The following CADPS variants were observed in gnomAD, a reference collection of about 807,000 sequenced individuals.
The protein encoded by CADPS is calcium dependent secretion activator.
Under a neutral mutation model 167.3 loss-of-function variants are expected in CADPS, and 57 were observed. The observed-to-expected ratio is 0.34, with a 90% CI of 0.28 to 0.42. The LOEUF is 0.42. CADPS is among the 20% of genes least tolerant of loss of function. The pLI is 1.00. For synonymous variants in CADPS, 676 were observed against 635.3 expected, an observed-to-expected ratio of 1.06 and a Z score of -0.96; for missense variants, 1,414 against 1,738.1, an observed-to-expected ratio of 0.81 and a Z score of 3.32.
At chr3:62,611,664 C>T (rs1316188078) in intron 6 of CADPS, among the ~76,000 whole-genome samples, 1 of 152,186 alleles carries the variant, frequency 6.6e-6, no homozygotes, top group Non-Finnish European at 1.5e-5. Context: ...GCTTCACCTA[C>T]ATCAATCTGT....
At chr3:62,723,884 A>C (rs1428759486) in intron 3 of CADPS, among the ~76,000 whole-genome samples, 1 of 152,182 alleles carries the variant, frequency 6.6e-6, no homozygotes, top group Non-Finnish European at 1.5e-5. Context: ...GTCAGAATTC[A>C]GTGGGAGGCC....
chr3:62,704,772 A>C (rs1478451840), intron 3 of CADPS, among the ~76,000 whole-genome samples: 2 of 152,208 alleles, frequency 1.3e-5, no homozygotes, highest in African/African-American at 4.8e-5. Flanking sequence ...GGAAGGATCC[A>C]GTATCAAACA....
chr3:62,420,518 G>C lies in CADPS; in HGVS notation c.3778-17333C>G, dbSNP rs1376561915. 1.3e-5 allele frequency among the ~76,000 whole-genome samples: 2 copies of C among 152,128 alleles called. No homozygotes were observed. Among genetic ancestry groups the C allele is most frequent in the African/African-American group, 4.8e-5 (2 of 41,420 alleles). ...GCAGAGTGGCATGAAGGCTGGAGGA[G>C]GGAAGATGGCAGCAGATTGGGGAGA... On this transcript the variant is annotated intron_variant, in intron 28 of 29. Transcript: ENST00000383710. The surrounding 1 kb of genome is among the most constrained non-coding windows in gnomAD (Gnocchi z 4.1).
rs368331353 is a variant in CADPS at position 62,633,768 on chromosome 3, G to T, written c.1325+11954C>A. 7.2e-5 allele frequency among the ~76,000 whole-genome samples: 11 copies of T among 152,160 alleles called. No individual in the cohort carries two copies. In the East Asian group the frequency reaches 7.8e-4, roughly 11 times the overall value. ...TGCAGGGGCCCTGAACCCACATTTT[G>T]GCTGAATGCTAAATGGGCTGAGGAT... On this transcript the variant is annotated intron_variant, in intron 6 of 29. Transcript: ENST00000383710.
chr3:62,656,331 C>T (rs1482156500), intron 4 of CADPS, among the ~76,000 whole-genome samples: 1 of 152,114 alleles, frequency 6.6e-6, no homozygotes, highest in Non-Finnish European at 1.5e-5. Flanking sequence ...GAAAACTTTA[C>T]ATGCTTTATT....
At position 62,752,572 on chromosome 3, in the gene CADPS, A is replaced by G. The variant is rs75726126; in HGVS notation, c.888+869T>C. ...TTCACTCTGTGCCAAGATTTTATATACTGGGAATATTAGCAAACAAGGCAA... is the reference window on the plus strand; with the variant it reads ...TTCACTCTGTGCCAAGATTTTATATGCTGGGAATATTAGCAAACAAGGCAA... On this transcript the variant is annotated intron_variant, in intron 3 of 29. Coordinates refer to ENST00000383710, the MANE Select transcript of CADPS (RefSeq NM_003716.4). 7.4e-3 allele frequency among the ~76,000 whole-genome samples: 1,123 copies of G among 152,318 alleles called. 18 individuals are homozygous for G. The highest frequency in any genetic ancestry group is 0.025 in the African/African-American group (1,055 of 41,576).
intron 18 of CADPS, among the ~76,000 whole-genome samples, chr3:62,497,381 A>C (rs2151229235): frequency 6.6e-6 from 1 of 152,284 alleles, no homozygotes; most frequent in South Asian, 2.1e-4. Context: ...CATCATGGGA[A>C]GAGCCTCAAC....
At chr3:62,765,641 C>T (rs1188710256) in intron 2 of CADPS, among the ~76,000 whole-genome samples, 1 of 152,174 alleles carries the variant, frequency 6.6e-6, no homozygotes, top group Non-Finnish European at 1.5e-5. Context: ...GAAAAACACT[C>T]AGTATATTGC....
At chr3:62,437,856 T>C (rs2055463984) in intron 28 of CADPS, among the ~76,000 whole-genome samples, 1 of 152,122 alleles carries the variant, frequency 6.6e-6, no homozygotes, top group Non-Finnish European at 1.5e-5. Flanking sequence ...GGAATGAGCC[T>C]GCTTGCCGAG....
At chr3:62,724,329 G>GCT (rs1481481324) in intron 3 of CADPS, among the ~76,000 whole-genome samples, 1 of 152,118 alleles carries the variant, frequency 6.6e-6, no homozygotes, top group Non-Finnish European at 1.5e-5. Context: ...GAACTCATCA[G>GCT]CTCTCACCTG....
chr3:62,462,034 G>A (rs2059409579), intron 26 of CADPS, among the ~76,000 whole-genome samples: 1 of 152,206 alleles, frequency 6.6e-6, no homozygotes, highest in African/African-American at 2.4e-5. Flanking sequence ...GTCACTTTCT[G>A]TGGGAGGAAC....
chr3:62,638,539 C>T (rs2066786062), intron 6 of CADPS, among the ~76,000 whole-genome samples: 1 of 152,046 alleles, frequency 6.6e-6, no homozygotes. Flanking sequence ...AGGAAATGAC[C>T]TACAGTCACT....
At chr3:62,686,220 T>C (rs1015179382) in intron 3 of CADPS, among the ~76,000 whole-genome samples, 1 of 152,068 alleles carries the variant, frequency 6.6e-6, no homozygotes, top group Admixed American at 6.5e-5. Context: ...AAACCCTGCA[T>C]GTTTTAGCAA....
intron 6 of CADPS, among the ~76,000 whole-genome samples, chr3:62,609,720 G>T (rs1044339814): frequency 6.6e-6 from 1 of 152,164 alleles, no homozygotes; most frequent in African/African-American, 2.4e-5. Context: ...ACATGGTATG[G>T]CTTGAATGAA....
At chr3:62,484,782 A>G (rs1353933747) in intron 21 of CADPS, among the ~76,000 whole-genome samples, 1 of 152,176 alleles carries the variant, frequency 6.6e-6, no homozygotes, top group African/African-American at 2.4e-5. Context: ...CAGAAGGGAT[A>G]GAGTTGTACC....
At chr3:62,738,936 A>G (rs879712712) in intron 3 of CADPS, among the ~76,000 whole-genome samples, 4 of 152,226 alleles carry the variant, frequency 2.6e-5, no homozygotes, top group Non-Finnish European at 4.4e-5. Context: ...ATTTTATGCC[A>G]GGGCATGTCA....
intron 1 of CADPS, among the ~76,000 whole-genome samples, chr3:62,816,325 G>A (rs1396268313): frequency 2.0e-5 from 3 of 152,040 alleles, no homozygotes; most frequent in Admixed American, 6.6e-5. Flanking sequence ...TGGGCTTAGA[G>A]GTTGTCTCTC....
chr3:62,555,306 T>C (rs2077955563), intron 10 of CADPS, among the ~76,000 whole-genome samples: 1 of 152,224 alleles, frequency 6.6e-6, no homozygotes, highest in African/African-American at 2.4e-5. Context: ...TTTAAAAATA[T>C]ATGTGCACAG....
intron 1 of CADPS, among the ~76,000 whole-genome samples, chr3:62,802,240 A>G (rs2093813550): frequency 6.6e-6 from 1 of 152,206 alleles, no homozygotes; most frequent in East Asian, 1.9e-4. Flanking sequence ...ATGTGCACAC[A>G]CACAAACCTA....
Sources: allele counts gnomAD v4.1 joint callset (sites outside exome capture counted in the v4.1 genomes callset), GRCh38; gene constraint gnomAD v4.1.1; non-coding constraint Gnocchi (gnomAD v3.1); transcripts MANE v1.5; gene names NCBI Gene and HGNC (gene_info 2026-07-23, HGNC 2026-07-21).